ANKHD1: variants seen among roughly 807,000 people sequenced by gnomAD.
ANKHD1 encodes the protein ankyrin repeat and KH domain containing 1, also known as ankyrin repeat and KH domain-containing protein 1.
Under a neutral mutation model 230.5 loss-of-function variants are expected in ANKHD1, and 31 were observed. The observed-to-expected ratio is 0.13, with a 90% confidence interval of 0.10 to 0.18. The LOEUF is 0.18. Ranked by LOEUF, ANKHD1 falls within the 10% of genes least tolerant of loss-of-function variation. The pLI, the probability that ANKHD1 is intolerant of heterozygous loss-of-function variation, is 1.00. For missense variants in ANKHD1, 2,256 were observed against 3,071.3 expected (o/e 0.73, Z 6.27); for synonymous variants, 1,074 against 1,117.6 (o/e 0.96, Z 0.78).
chr5:140,468,052 C>CTTTTTTTTTTTTTTTT (rs869172143), intron 10 of ANKHD1, among the ~76,000 whole-genome samples: 1 of 52,380 alleles, frequency 1.9e-5, no homozygotes, highest in African/African-American at 8.9e-5. Flanking sequence ...TGTACTAATT[C>CTTTTTTTTTTTTTTTT]TTTTTTTTTT....
intron 29 of ANKHD1, among the ~76,000 whole-genome samples, chr5:140,531,102 A>C (rs1262379474): frequency 1.3e-5 from 2 of 152,200 alleles, no homozygotes; most frequent in Non-Finnish European, 2.9e-5. Flanking sequence ...AGACTTTGAG[A>C]AGCCCCAGGG....
At chr5:140,481,317 G>A (rs1169953185) in intron 10 of ANKHD1, among the ~76,000 whole-genome samples, 1 of 151,992 alleles carries the variant, frequency 6.6e-6, no homozygotes, top group Admixed American at 6.6e-5. Flanking sequence ...TTGAATGTGA[G>A]TTCAAGATCT....
chr5:140,496,051 C>G (rs1365635042), intron 14 of ANKHD1, among the ~76,000 whole-genome samples: 1 of 152,170 alleles, frequency 6.6e-6, no homozygotes, highest in Non-Finnish European at 1.5e-5. Context: ...TGCATTAACT[C>G]TGCATTGCTT....
intron 24 of ANKHD1, among the ~76,000 whole-genome samples, chr5:140,514,480 T>G (rs1432844121): frequency 6.6e-6 from 1 of 150,898 alleles, no homozygotes; most frequent in Non-Finnish European, 1.5e-5. Context: ...GGTGACAGAG[T>G]GAGACCCCAT....
intron 10 of ANKHD1, among the ~76,000 whole-genome samples, chr5:140,480,925 A>T (rs1419222979): frequency 6.6e-6 from 1 of 152,068 alleles, no homozygotes; most frequent in African/African-American, 2.4e-5. Flanking sequence ...CTAAAATATG[A>T]TTGCAGTTTA....
At chr5:140,415,858 C>T (rs1771332914) in intron 1 of ANKHD1, among the ~76,000 whole-genome samples, 3 of 151,850 alleles carry the variant, frequency 2.0e-5, no homozygotes, top group Admixed American at 6.6e-5. Flanking sequence ...TACATATGTA[C>T]ACATGTGCCA....
At chr5:140,451,013 G>A (rs754265307) in intron 7 of ANKHD1, among the ~76,000 whole-genome samples, 2 of 151,958 alleles carry the variant, frequency 1.3e-5, no homozygotes, top group East Asian at 1.9e-4. Flanking sequence ...TTAGCCAGGC[G>A]TGGTAGTGTG....
At position 140,459,275 on chromosome 5, in the gene ANKHD1, T is replaced by C. The variant is rs148310046; in HGVS notation, c.1592T>C (p.Ile531Thr). Reference protein sequence around the residue: ...ADFLIKAGADIELGCSTPLME... With the variant: ...ADFLIKAGADTELGCSTPLME... ...TTTCTTATTAAGGCAGGGGCTGATA[T>C]AGAACTTGGCTGCTCCACACCTCTG... Residue 531 changes from isoleucine (I) to threonine (T), a missense_variant, in exon 9 of 34, where the codon ATA (isoleucine) becomes ACA (threonine). Transcript: ENST00000360839. The C allele has an allele frequency of 9.6e-5, 154 of 1,603,354 alleles. 1 individual carries two copies. The South Asian group carries it at 1.2e-3, about 13-fold the overall frequency.
At position 140,464,629 on chromosome 5, in the gene ANKHD1, C is replaced by T. The variant is rs1392133764; in HGVS notation, c.1673-38C>T. 10 of 1,480,996 alleles carry T rather than the reference C, an allele frequency of 6.8e-6. No individual in the cohort carries two copies. In the South Asian group the frequency reaches 8.6e-5, roughly 13 times the overall value. The allele number at this position is 1,480,996 out of a possible 1,614,324, so 91.7% of individuals were successfully genotyped here. A position where few individuals can be genotyped will look rare whatever the true frequency, so the allele number is the denominator to read the frequency against. On this transcript the variant is annotated intron_variant, in intron 9 of 33. Coordinates refer to ENST00000360839, the MANE Select transcript of ANKHD1 (RefSeq NM_017747.3). ...AATTGGACTATCTAATACAATTTTA[C>T]AGTTCACAAAGTAAATGTATGCTTT... is the stretch of plus-strand genomic sequence containing the variant.
rs1170945333 is a variant in ANKHD1, at chr5:140,497,331, T to C, written c.3004+53T>C. The C allele has an allele frequency of 1.4e-5, 21 of 1,532,820 alleles. No individual in the cohort carries two copies. In the South Asian group the frequency reaches 1.8e-4, roughly 13 times the overall value. 95.0% of individuals were successfully genotyped at this position (1,532,820 alleles called of 1,614,324 possible). On this transcript the variant is annotated intron_variant, in intron 15 of 33. Coordinates refer to ENST00000360839, the MANE Select transcript of ANKHD1 (RefSeq NM_017747.3). ...TTTCTCTTTAATCTGTGTGCTGAAC[T>C]TCTTTATATACCCCTCCAAAAACGT...
At chr5:140,533,853 C>A (rs915369996) in intron 29 of ANKHD1, among the ~76,000 whole-genome samples, 1 of 149,378 alleles carries the variant, frequency 6.7e-6, no homozygotes, top group African/African-American at 2.5e-5. Flanking sequence ...AGAAATGATT[C>A]ATTTCCTACT....
intron 1 of ANKHD1, among the ~76,000 whole-genome samples, chr5:140,430,084 A>C (rs1242689183): frequency 6.6e-6 from 1 of 152,134 alleles, no homozygotes; most frequent in Non-Finnish European, 1.5e-5. Context: ...GTTTTAGTTG[A>C]AGCTAAAAAC....
At chr5:140,481,351 C>T (rs1001331379) in intron 10 of ANKHD1, among the ~76,000 whole-genome samples, 2 of 152,034 alleles carry the variant, frequency 1.3e-5, no homozygotes, top group Non-Finnish European at 2.9e-5. Context: ...ATTATTTTGG[C>T]ATTATCTATA....
intron 4 of ANKHD1, 58 bp downstream of exon 4, chr5:140,440,324 A>G: frequency 6.4e-7 from 1 of 1,558,392 alleles, no homozygotes; most frequent in Non-Finnish European, 8.7e-7. Flanking sequence ...TGTTTTATTT[A>G]TTTTTGTCAC....
At chr5:140,499,151 C>G (rs528000788) in intron 15 of ANKHD1, among the ~76,000 whole-genome samples, 2 of 151,894 alleles carry the variant, frequency 1.3e-5, no homozygotes, top group South Asian at 4.2e-4. Context: ...TTTGTGAAGG[C>G]TATGTGTTTT....
intron 1 of ANKHD1, among the ~76,000 whole-genome samples, chr5:140,430,761 C>A (rs746250302): frequency 1.3e-5 from 2 of 150,984 alleles, no homozygotes; most frequent in Non-Finnish European, 2.9e-5. Context: ...TGGGCTCAGG[C>A]GATCCTCCCA....
chr5:140,424,014 A>C (rs1772197060), intron 1 of ANKHD1, among the ~76,000 whole-genome samples: 1 of 152,074 alleles, frequency 6.6e-6, no homozygotes, highest in African/African-American at 2.4e-5. Flanking sequence ...AAAGGATCCA[A>C]ATTCCTTGGT....
intron 13 of ANKHD1, among the ~76,000 whole-genome samples, chr5:140,486,253 T>G (rs753866351): frequency 1.1e-4 from 16 of 152,076 alleles, no homozygotes; most frequent in Non-Finnish European, 2.4e-4. Flanking sequence ...TTAGTGGAGA[T>G]GGAGTTTCAC....
intron 1 of ANKHD1, among the ~76,000 whole-genome samples, chr5:140,428,534 G>T (rs1466022939): frequency 1.3e-5 from 2 of 152,242 alleles, no homozygotes; most frequent in Admixed American, 1.3e-4. Context: ...CACTCGGCAG[G>T]CTGAGGCAGG....
Sources: allele counts gnomAD v4.1 joint callset (sites outside exome capture counted in the v4.1 genomes callset), GRCh38; gene constraint gnomAD v4.1.1; transcripts MANE v1.5; gene names NCBI Gene and HGNC (gene_info 2026-07-23, HGNC 2026-07-21).